The following CACNB2 variants were observed in gnomAD, a reference collection of about 807,000 sequenced individuals.
The protein encoded by CACNB2 is voltage-dependent L-type calcium channel subunit beta-2.
CACNB2 carries 42 observed loss-of-function variants against 73.3 expected under a neutral mutation model. The observed-to-expected ratio is 0.57, with a 90% confidence interval of 0.45 to 0.74. The LOEUF (loss-of-function observed/expected upper bound fraction) is 0.74, where lower values mean the gene tolerates loss of function less well. Ranked by LOEUF, CACNB2 falls within the 30% of genes least tolerant of loss-of-function variation. The probability of loss-of-function intolerance (pLI) is 0.00; values close to 1 mark genes in which losing one functional copy is unlikely to be tolerated. For missense variants in CACNB2, 940 were observed against 853.0 expected (o/e 1.10, Z -1.27); for synonymous variants, 348 against 310.3 (o/e 1.12, Z -1.28).
chr10:18,322,838 TCTTA>T (rs2040442564), intron 2 of CACNB2, among the ~76,000 whole-genome samples: 1 of 151,976 alleles, frequency 6.6e-6, no homozygotes, highest in Non-Finnish European at 1.5e-5. Flanking sequence ...AATTTAAAGG[TCTTA>T]CTTCCTGCCT....
intron 2 of CACNB2, among the ~76,000 whole-genome samples, chr10:18,215,453 GA>G (rs1237746780): frequency 6.6e-6 from 1 of 152,124 alleles, no homozygotes; most frequent in African/African-American, 2.4e-5. Context: ...GATTTGCAAA[GA>G]ATTTTAAGTA....
At chr10:18,150,855 C>CTTTGTTTTTTTTTTTT in intron 1 of CACNB2, 28 bp from the exon 2 acceptor site, 2 of 483,392 alleles carry the variant, frequency 4.1e-6, no homozygotes, top group Non-Finnish European at 6.1e-6. Context: ...TCTTATTTGT[C>CTTTGTTTTTTTTTTTT]TTTTTTTTTT....
chr10:18,276,195 A>G (rs1428707627), intron 2 of CACNB2, among the ~76,000 whole-genome samples: 1 of 152,242 alleles, frequency 6.6e-6, no homozygotes, highest in Non-Finnish European at 1.5e-5. Context: ...CAATTTCACG[A>G]TAAATTAAAC....
chr10:18,526,137 A>G (rs1246267179), intron 9 of CACNB2, among the ~76,000 whole-genome samples: 1 of 152,172 alleles, frequency 6.6e-6, no homozygotes. Flanking sequence ...GTGTATGGCA[A>G]TCTTGCTAGA....
chr10:18,155,652 A>T (rs2031984000), intron 2 of CACNB2, among the ~76,000 whole-genome samples: 1 of 152,178 alleles, frequency 6.6e-6, no homozygotes, highest in Non-Finnish European at 1.5e-5. Flanking sequence ...AGATGGTTGT[A>T]CCAGTTTGCA....
chr10:18,506,965 A>G (rs1415908298), intron 6 of CACNB2, among the ~76,000 whole-genome samples: 56 of 152,046 alleles, frequency 3.7e-4, no homozygotes, highest in Admixed American at 3.5e-3. Flanking sequence ...TGCCCGGCTA[A>G]TTTTTGTATT....
intron 2 of CACNB2, among the ~76,000 whole-genome samples, chr10:18,350,029 A>C (rs956299996): frequency 2.6e-5 from 4 of 152,070 alleles, no homozygotes; most frequent in Non-Finnish European, 5.9e-5. Flanking sequence ...GGATCACCTG[A>C]GGTCAGGAGT....
At chr10:18,259,732 GAAAAAAA>G (rs34296190) in intron 2 of CACNB2, among the ~76,000 whole-genome samples, 66 of 41,000 alleles carry the variant, frequency 1.6e-3, no homozygotes, top group African/African-American at 9.3e-3. Context: ...CTCTGTCTCA[GAAAAAAA>G]AAAAAAAAAA....
intron 3 of CACNB2, among the ~76,000 whole-genome samples, chr10:18,467,036 C>T (rs990952207): frequency 1.7e-4 from 26 of 152,172 alleles, no homozygotes; most frequent in African/African-American, 6.0e-4. Flanking sequence ...TGCCTGTAAT[C>T]CCAGCTGCTA....
chr10:18,275,723 G>A (rs2038255991), intron 2 of CACNB2, among the ~76,000 whole-genome samples: 1 of 152,152 alleles, frequency 6.6e-6, no homozygotes, highest in Non-Finnish European at 1.5e-5. Context: ...ATTCTCCCAT[G>A]CAACTCATCA....
intron 2 of CACNB2, chr10:18,206,354 C>G (rs1270371004): frequency 6.6e-6 from 1 of 152,544 alleles, no homozygotes; most frequent in East Asian, 1.9e-4. Flanking sequence ...GAAGGCAGTC[C>G]TCTTCCCTGA....
intron 2 of CACNB2, among the ~76,000 whole-genome samples, chr10:18,176,564 C>T (rs1431948425): frequency 2.0e-5 from 3 of 151,498 alleles, no homozygotes; most frequent in Non-Finnish European, 4.4e-5. Context: ...GGGAAAGTCA[C>T]AATTCCTATA....
chr10:18,383,859 C>T (rs2043118099), intron 2 of CACNB2, among the ~76,000 whole-genome samples: 1 of 152,126 alleles, frequency 6.6e-6, no homozygotes, highest in Non-Finnish European at 1.5e-5. Context: ...GCACACACCA[C>T]CACGCCCGGC....
chr10:18,360,331 G>A (rs553238218), intron 2 of CACNB2, among the ~76,000 whole-genome samples: 7 of 152,226 alleles, frequency 4.6e-5, no homozygotes, highest in Admixed American at 1.3e-4. Context: ...GGGCTCAAGC[G>A]ATCCTCTTGC....
At chr10:18,179,844 T>A (rs2131203218) in intron 2 of CACNB2, among the ~76,000 whole-genome samples, 1 of 152,336 alleles carries the variant, frequency 6.6e-6, no homozygotes, top group South Asian at 2.1e-4. Context: ...GTCTAAGTTG[T>A]GAATTTTACC....
At chr10:18,345,555 G>T (rs975027991) in intron 2 of CACNB2, among the ~76,000 whole-genome samples, 10 of 152,112 alleles carry the variant, frequency 6.6e-5, no homozygotes, top group African/African-American at 2.2e-4. Flanking sequence ...CTGTATGGGG[G>T]AGCTTCTTCC....
At chr10:18,419,378 G>A (rs2045192622) in intron 3 of CACNB2, among the ~76,000 whole-genome samples, 1 of 152,108 alleles carries the variant, frequency 6.6e-6, no homozygotes, top group Non-Finnish European at 1.5e-5. Flanking sequence ...AAATGCAATA[G>A]TAACTGTATT....
chr10:18,162,993 G>A (rs2032580441), intron 2 of CACNB2, among the ~76,000 whole-genome samples: 1 of 152,110 alleles, frequency 6.6e-6, no homozygotes, highest in Non-Finnish European at 1.5e-5. Flanking sequence ...ATGGGTGCAT[G>A]GAGTTTGGAA....
intron 2 of CACNB2, among the ~76,000 whole-genome samples, chr10:18,326,309 G>A (rs910816253): frequency 2.0e-5 from 3 of 152,202 alleles, no homozygotes; most frequent in African/African-American, 7.2e-5. Flanking sequence ...CATTCCTCCA[G>A]TGTACTTCAT....
Sources: allele counts gnomAD v4.1 joint callset (sites outside exome capture counted in the v4.1 genomes callset), GRCh38; gene constraint gnomAD v4.1.1; transcripts MANE v1.5; gene names NCBI Gene and HGNC (gene_info 2026-07-23, HGNC 2026-07-21).